PDE1C: variants seen among roughly 807,000 people sequenced by gnomAD.
PDE1C encodes the protein dual specificity calcium/calmodulin-dependent 3',5'-cyclic nucleotide phosphodiesterase 1C.
A neutral mutation model predicts 93.1 loss-of-function variants in PDE1C; 62 were observed. The observed-to-expected ratio is 0.67, with a 90% CI of 0.54 to 0.82. PDE1C has a LOEUF of 0.82. PDE1C is among the 40% of genes least tolerant of loss of function. The pLI is 0.00. For synonymous variants in PDE1C, 325 were observed against 310.1 expected, an observed-to-expected ratio of 1.05 and a Z score of -0.50; for missense variants, 742 against 884.6, an observed-to-expected ratio of 0.84 and a Z score of 2.04.
intron 3 of PDE1C, among the ~76,000 whole-genome samples, chr7:32,105,017 G>A (rs1249202324): frequency 6.9e-6 from 1 of 143,964 alleles, no homozygotes; most frequent in Non-Finnish European, 1.5e-5. Context: ...TATGAATTGT[G>A]GTTAAAAACT....
intron 2 of PDE1C, among the ~76,000 whole-genome samples, chr7:32,194,076 G>A (rs533396379): frequency 2.6e-5 from 4 of 151,924 alleles, no homozygotes; most frequent in Middle Eastern, 3.4e-3. Context: ...CACCACACCC[G>A]GTAATTTTTT....
At chr7:31,765,919 C>T (rs1043603258) in intron 17 of PDE1C, among the ~76,000 whole-genome samples, 2 of 152,058 alleles carry the variant, frequency 1.3e-5, no homozygotes, top group Admixed American at 1.3e-4. Flanking sequence ...ACAGGCCTGC[C>T]CCCTGCTAAC....
At chr7:32,246,386 G>T (rs1214994370) in intron 1 of PDE1C, among the ~76,000 whole-genome samples, 1 of 152,120 alleles carries the variant, frequency 6.6e-6, no homozygotes, top group Non-Finnish European at 1.5e-5. Flanking sequence ...GGAGGCAGTA[G>T]CAGGGGGCAG....
At chr7:32,109,164 A>C (rs1173541612) in intron 3 of PDE1C, among the ~76,000 whole-genome samples, 1 of 152,174 alleles carries the variant, frequency 6.6e-6, no homozygotes, top group Non-Finnish European at 1.5e-5. Context: ...ACTCATATTT[A>C]TGACAAGGGA....
intron 2 of PDE1C, among the ~76,000 whole-genome samples, chr7:32,194,415 T>A (rs1337405350): frequency 6.6e-6 from 1 of 152,228 alleles, no homozygotes; most frequent in Non-Finnish European, 1.5e-5. Flanking sequence ...ATTATAATTG[T>A]AGATTTTTCT....
chr7:31,823,518 A>C (rs1412595470), intron 13 of PDE1C, among the ~76,000 whole-genome samples: 1 of 152,000 alleles, frequency 6.6e-6, no homozygotes, highest in Non-Finnish European at 1.5e-5. Context: ...TTTTCCCCAT[A>C]ACCAGAATCC....
intron 2 of PDE1C, among the ~76,000 whole-genome samples, chr7:32,018,714 T>C (rs900124591): frequency 8.5e-5 from 13 of 152,192 alleles, no homozygotes; most frequent in Admixed American, 3.3e-4. Flanking sequence ...AGGATTTCTC[T>C]TTTGAGTGAT....
At chr7:31,626,009 TTA>T in the PDE1C span, among the ~76,000 whole-genome samples, 1 of 152,180 alleles carries the variant, frequency 6.6e-6, no homozygotes, top group Non-Finnish European at 1.5e-5. Context: ...TAAAAAAACT[TTA>T]TGACTAACTC....
chr7:32,405,470 T>G, intron 1 of PDE1C, among the ~76,000 whole-genome samples: 1 of 152,110 alleles, frequency 6.6e-6, no homozygotes, highest in East Asian at 1.9e-4. Context: ...AGGCTGGTCT[T>G]GAACTCCTGA....
At chr7:31,861,134 T>C (rs1325051214) in intron 7 of PDE1C, among the ~76,000 whole-genome samples, 1 of 152,168 alleles carries the variant, frequency 6.6e-6, no homozygotes, top group Non-Finnish European at 1.5e-5. Flanking sequence ...TGTCCTTATC[T>C]TACTTGACCA....
chr7:32,317,500 TC>T (rs1783199442), intron 1 of PDE1C, among the ~76,000 whole-genome samples: 1 of 151,722 alleles, frequency 6.6e-6, no homozygotes, highest in South Asian at 2.1e-4. Context: ...TTCTACCCAC[TC>T]CCCTGGCCCA....
chr7:32,387,301 G>A (rs2128091902), intron 1 of PDE1C, among the ~76,000 whole-genome samples: 1 of 152,050 alleles, frequency 6.6e-6, no homozygotes, highest in South Asian at 2.1e-4. Flanking sequence ...GCAACCATCC[G>A]ATTTCTCAAT....
the PDE1C span, chr7:31,652,526 G>A: frequency 1.9e-6 from 3 of 1,596,492 alleles, no homozygotes; most frequent in Non-Finnish European, 2.6e-6. Context: ...AGCAGCTGGA[G>A]GTTCTCACAG....
intron 2 of PDE1C, among the ~76,000 whole-genome samples, chr7:31,934,687 T>C (rs1392413334): frequency 6.6e-6 from 1 of 152,198 alleles, no homozygotes; most frequent in African/African-American, 2.4e-5. Flanking sequence ...TTATCTGATT[T>C]GTGGTACGTT....
intron 9 of PDE1C, among the ~76,000 whole-genome samples, chr7:31,839,766 G>A (rs1338103011): frequency 6.6e-6 from 1 of 152,242 alleles, no homozygotes; most frequent in East Asian, 1.9e-4. Context: ...GCCGGGCATA[G>A]TGGCTCATGC....
intron 2 of PDE1C, among the ~76,000 whole-genome samples, chr7:31,894,981 A>C (rs10266437): frequency 6.6e-6 from 1 of 152,062 alleles, no homozygotes; most frequent in Non-Finnish European, 1.5e-5. Flanking sequence ...TCCTTTTCTT[A>C]AACTCAGTAA....
At chr7:31,895,393 C>T (rs1799155300) in intron 2 of PDE1C, among the ~76,000 whole-genome samples, 1 of 152,146 alleles carries the variant, frequency 6.6e-6, no homozygotes, top group South Asian at 2.1e-4. Flanking sequence ...CAAGAGATAT[C>T]ACCATGGAGT....
intron 3 of PDE1C, among the ~76,000 whole-genome samples, chr7:32,122,305 T>G (rs926911559): frequency 6.6e-6 from 1 of 151,782 alleles, no homozygotes; most frequent in African/African-American, 2.4e-5. Flanking sequence ...CAATATTAGA[T>G]CAATAAGACA....
At chr7:31,705,526 A>G in the PDE1C span, among the ~76,000 whole-genome samples, 5,273 of 152,312 alleles carry the variant, frequency 0.035, 128 homozygotes, top group Non-Finnish European at 0.054. Context: ...CAGACTCTTG[A>G]AATTGTTTTT....
Sources: allele counts gnomAD v4.1 joint callset (sites outside exome capture counted in the v4.1 genomes callset), GRCh38; gene constraint gnomAD v4.1.1; transcripts MANE v1.5; gene names NCBI Gene and HGNC (gene_info 2026-07-23, HGNC 2026-07-21).